The following PRKG1 variants were observed in gnomAD, a reference collection of about 807,000 sequenced individuals.
PRKG1 encodes cGMP-dependent protein kinase 1.
In PRKG1, 35 loss-of-function variants were observed where a neutral mutation model predicts 88.1. The ratio of observed to expected loss-of-function variants is 0.40; its 90% CI spans 0.30 to 0.53. PRKG1 has a LOEUF of 0.53. Ranked by LOEUF, PRKG1 falls within the 20% of genes least tolerant of loss-of-function variation. The pLI is 0.59. For missense variants in PRKG1, 540 were observed against 839.8 expected, an observed-to-expected ratio of 0.64 and a Z score of 4.41; for synonymous variants, 303 against 292.5, an observed-to-expected ratio of 1.04 and a Z score of -0.37.
rs140457572 is a variant in PRKG1 at position 52,209,008 on chromosome 10, T to C, written c.1077-42562T>C. On this transcript the variant is annotated intron_variant, in intron 9 of 17. Transcript: ENST00000373980. Reference sequence around the variant, plus strand: ...AATATTTTTAATAATGTAGAAAATATGCTTAAGAGCGAGAAAATGATTTCA... The same window carrying C: ...AATATTTTTAATAATGTAGAAAATACGCTTAAGAGCGAGAAAATGATTTCA... Among the ~76,000 whole-genome samples the C allele has an allele frequency of 3.9e-3, 599 of 152,344 alleles. 1 individual carries two copies. The highest frequency in any genetic ancestry group is 6.3e-3 in the Non-Finnish European group (427 of 68,028).
chr10:52,218,684 T>G (rs1383318064), intron 9 of PRKG1, among the ~76,000 whole-genome samples: 3 of 152,098 alleles, frequency 2.0e-5, no homozygotes, highest in African/African-American at 7.2e-5. Context: ...CAAAAATCAG[T>G]GTTTATTCTG....
intron 3 of PRKG1, among the ~76,000 whole-genome samples, chr10:51,505,244 G>A (rs76234154): frequency 1.3e-3 from 201 of 151,910 alleles, no homozygotes; most frequent in African/African-American, 4.3e-3. Flanking sequence ...TGGTTTTGTC[G>A]TTGGTTCTGT....
intron 2 of PRKG1, among the ~76,000 whole-genome samples, chr10:51,402,381 C>T (rs1450823319): frequency 6.6e-6 from 1 of 152,166 alleles, no homozygotes; most frequent in African/African-American, 2.4e-5. Context: ...ACATTCAATT[C>T]CTCACATGTC....
rs148052824 is a variant in PRKG1 at position 51,206,423 on chromosome 10, C to T, written c.478+53093C>T. 2.6e-3 allele frequency among the ~76,000 whole-genome samples: 392 copies of T among 149,626 alleles called. 4 individuals carry two copies. Among genetic ancestry groups the T allele is most frequent in the African/African-American group, 9.2e-3 (374 of 40,486 alleles). ...CATAGAATTGCTTAAACCCGGGAGGCGGAGGATGTAGTGAGCCGAGATCGC... is the reference window on the plus strand; with the variant it reads ...CATAGAATTGCTTAAACCCGGGAGGTGGAGGATGTAGTGAGCCGAGATCGC... On this transcript the variant is annotated intron_variant, in intron 2 of 17. Transcript: ENST00000373980.
chr10:52,110,014 A>C (rs561610026), intron 7 of PRKG1, among the ~76,000 whole-genome samples: 20 of 151,858 alleles, frequency 1.3e-4, no homozygotes, highest in Admixed American at 2.0e-4. Flanking sequence ...GATGTACCAG[A>C]TGCTCACTGG....
chr10:52,100,529 T>C (rs1327758120), intron 7 of PRKG1, among the ~76,000 whole-genome samples: 1 of 152,244 alleles, frequency 6.6e-6, no homozygotes, highest in Non-Finnish European at 1.5e-5. Flanking sequence ...TTACTGTTGA[T>C]CCTAATTCAG....
chr10:51,263,707 T>C (rs977015786), intron 2 of PRKG1, among the ~76,000 whole-genome samples: 1 of 152,208 alleles, frequency 6.6e-6, no homozygotes, highest in African/African-American at 2.4e-5. Context: ...GTATAGTCCA[T>C]TGATACAAGA....
chr10:52,260,050 G>C (rs765928583), intron 10 of PRKG1, among the ~76,000 whole-genome samples: 1 of 151,808 alleles, frequency 6.6e-6, no homozygotes, highest in Non-Finnish European at 1.5e-5. Context: ...AAGAGGCATT[G>C]AATCTTTCAA....
chr10:51,943,599 A>G (rs1204042660), intron 5 of PRKG1, among the ~76,000 whole-genome samples: 5 of 152,038 alleles, frequency 3.3e-5, no homozygotes, highest in African/African-American at 4.8e-5. Context: ...TTTGTCATAG[A>G]TAGCCCTTAT....
intron 5 of PRKG1, among the ~76,000 whole-genome samples, chr10:52,030,157 C>T (rs1845441587): frequency 2.0e-5 from 3 of 152,294 alleles, no homozygotes; most frequent in Admixed American, 2.0e-4. Context: ...TCAAGTCCTA[C>T]CATTTGCTGC....
chr10:51,097,842 C>T (rs1419985237), intron 1 of PRKG1, among the ~76,000 whole-genome samples: 1 of 152,138 alleles, frequency 6.6e-6, no homozygotes. Context: ...AGATTTTTAT[C>T]TCTCAACTTT....
At chr10:51,635,224 A>C (rs1409197263) in intron 3 of PRKG1, among the ~76,000 whole-genome samples, 2 of 151,868 alleles carry the variant, frequency 1.3e-5, no homozygotes, top group East Asian at 3.9e-4. Flanking sequence ...TGAAAACAAA[A>C]ATTGATGGAA....
chr10:52,000,635 CTT>C (rs1469280262), intron 5 of PRKG1, among the ~76,000 whole-genome samples: 6 of 152,030 alleles, frequency 3.9e-5, no homozygotes, highest in African/African-American at 1.4e-4. Context: ...CTTCTTATAA[CTT>C]GACATCTTCT....
chr10:51,304,853 T>G (rs1353822158), intron 2 of PRKG1, among the ~76,000 whole-genome samples: 1 of 152,080 alleles, frequency 6.6e-6, no homozygotes, highest in Non-Finnish European at 1.5e-5. Flanking sequence ...ATGGTGTATA[T>G]GTGCCACATA....
intron 9 of PRKG1, among the ~76,000 whole-genome samples, chr10:52,172,715 G>A (rs1838739102): frequency 6.6e-6 from 1 of 152,206 alleles, no homozygotes. Flanking sequence ...TGCTTTGCAA[G>A]TAAGGTTGAG....
At chr10:51,915,897 T>G (rs1382385934) in intron 5 of PRKG1, among the ~76,000 whole-genome samples, 1 of 152,110 alleles carries the variant, frequency 6.6e-6, no homozygotes, top group Non-Finnish European at 1.5e-5. Flanking sequence ...AAAATCACAG[T>G]TAACATACTA....
chr10:51,252,134 G>T (rs559193146), intron 2 of PRKG1, among the ~76,000 whole-genome samples: 2 of 151,566 alleles, frequency 1.3e-5, no homozygotes, highest in African/African-American at 4.8e-5. Context: ...CCATATACTG[G>T]CACAATGAGC....
At chr10:51,385,793 A>G (rs936713290) in intron 2 of PRKG1, among the ~76,000 whole-genome samples, 2 of 152,156 alleles carry the variant, frequency 1.3e-5, no homozygotes, top group Admixed American at 1.3e-4. Context: ...CTTCTACTAT[A>G]TTTCTTTGAA....
upstream of PRKG1, among the ~76,000 whole-genome samples, chr10:51,072,625 A>G (rs537721637): frequency 6.6e-5 from 10 of 152,274 alleles, no homozygotes; most frequent in East Asian, 1.7e-3. Flanking sequence ...TTTATATATC[A>G]CATTTAGAAA....
Sources: allele counts gnomAD v4.1 joint callset (sites outside exome capture counted in the v4.1 genomes callset), GRCh38; gene constraint gnomAD v4.1.1; transcripts MANE v1.5; gene names NCBI Gene and HGNC (gene_info 2026-07-23, HGNC 2026-07-21).